GTF2A1L: variants seen among roughly 807,000 people sequenced by gnomAD.
The protein encoded by GTF2A1L is general transcription factor IIA subunit 1 like, also known as TFIIA-alpha and beta-like factor.
A neutral mutation model predicts 49.7 loss-of-function variants in GTF2A1L; 48 were observed. That is an observed-to-expected ratio of 0.97 (90% CI 0.77 to 1.23). GTF2A1L has a LOEUF of 1.23. Among genes scored for constraint, GTF2A1L ranks in the 50% most tolerant of loss-of-function variants. GTF2A1L has a pLI of 0.00. For missense variants in GTF2A1L, 736 were observed against 564.8 expected (o/e 1.30, Z -3.07); for synonymous variants, 246 against 193.5 (o/e 1.27, Z -2.25).
intron 3 of GTF2A1L, among the ~76,000 whole-genome samples, chr2:48,631,554 T>C (rs949738243): frequency 1.3e-5 from 2 of 152,198 alleles, no homozygotes; most frequent in African/African-American, 4.8e-5. Flanking sequence ...ATATTGTTTA[T>C]CCTTTCAGAG....
intron 3 of GTF2A1L, among the ~76,000 whole-genome samples, chr2:48,641,788 G>T (rs1221501663): frequency 6.6e-6 from 1 of 152,160 alleles, no homozygotes; most frequent in Non-Finnish European, 1.5e-5. Flanking sequence ...ATAAAGGAAA[G>T]ATATATGGGA....
At chr2:48,647,065 T>G in intron 6 of GTF2A1L, 23 bp downstream of exon 6, 2 of 1,551,466 alleles carry the variant, frequency 1.3e-6, no homozygotes, top group East Asian at 2.3e-5. Flanking sequence ...GTCCAACTTC[T>G]TGGTATCAGG....
intron 3 of GTF2A1L, among the ~76,000 whole-genome samples, chr2:48,635,326 C>T (rs1415772400): frequency 1.3e-5 from 2 of 152,136 alleles, no homozygotes; most frequent in Admixed American, 6.5e-5. Context: ...AGACATCTGC[C>T]TGGGCATGGA....
In GTF2A1L at chr2:48,624,205, G is replaced by T. The variant is rs557671643; in HGVS notation, c.247+2915G>T. On this transcript the variant is annotated intron_variant, in intron 3 of 8. Coordinates refer to ENST00000403751, the MANE Select transcript of GTF2A1L (RefSeq NM_006872.5). ...CCAAATAGCTTTTAAAATGTGGGTT[G>T]TAAGTATCTATTTACTATGTTGGAA... Among the ~76,000 whole-genome samples the T allele has an allele frequency of 3.3e-4, 48 of 143,826 alleles. 7 individuals are homozygous for T. The highest frequency in any genetic ancestry group is 9.4e-4 in the South Asian group (4 of 4,268). The allele number at this position is 143,826 out of a possible 152,430, so 94.4% of individuals were successfully genotyped here.
intron 3 of GTF2A1L, among the ~76,000 whole-genome samples, chr2:48,637,830 C>G (rs1315722826): frequency 2.0e-5 from 3 of 151,160 alleles, no homozygotes; most frequent in Non-Finnish European, 4.4e-5. Flanking sequence ...AACCATCAGT[C>G]TAGCTGCTGG....
intron 6 of GTF2A1L, among the ~76,000 whole-genome samples, chr2:48,667,791 C>A (rs1678933507): frequency 6.6e-6 from 1 of 151,938 alleles, no homozygotes; most frequent in South Asian, 2.1e-4. Context: ...GGTTTGAATC[C>A]TAGAAGGGCA....
chr2:48,659,934 T>C (rs570862529), intron 6 of GTF2A1L, among the ~76,000 whole-genome samples: 1 of 152,152 alleles, frequency 6.6e-6, no homozygotes, highest in Non-Finnish European at 1.5e-5. Context: ...TAAACAGAGA[T>C]AATTTTAGTT....
In GTF2A1L at chr2:48,620,851, C is replaced by G; in HGVS notation, c.22C>G (p.Pro8Ala). The change falls in exon 2 of 9, where the codon CCT becomes GCT. Residue 8 changes from proline to alanine, a missense_variant and splice_region_variant. Coordinates refer to ENST00000403751, the MANE Select transcript of GTF2A1L (RefSeq NM_006872.5). Reference sequence around the variant, plus strand: ...AACTTTAACAATTGCTTTTATGTAGCCTAAACTCTACAGATCTGTAATTGA... The same window carrying G: ...AACTTTAACAATTGCTTTTATGTAGGCTAAACTCTACAGATCTGTAATTGA... MACLNPV[P>A]KLYRSVIEDV... 1 of 1,473,110 alleles carries G rather than the reference C, an allele frequency of 6.8e-7. No individual in the cohort carries two copies. Among genetic ancestry groups the G allele is most frequent in the Non-Finnish European group, 9.0e-7 (1 of 1,111,048 alleles). The allele number at this position is 1,473,110 out of a possible 1,614,324, so 91.3% of individuals were successfully genotyped here.
intron 7 of GTF2A1L, among the ~76,000 whole-genome samples, 169 bp from the exon 8 acceptor site, chr2:48,671,422 T>A (rs982987251): frequency 6.6e-6 from 1 of 152,164 alleles, no homozygotes; most frequent in African/African-American, 2.4e-5. Context: ...CAAGTAAGTC[T>A]TGAACTCCTG....
intron 4 of GTF2A1L, among the ~76,000 whole-genome samples, chr2:48,643,971 T>G (rs1193870641): frequency 6.6e-6 from 1 of 152,084 alleles, no homozygotes; most frequent in Non-Finnish European, 1.5e-5. Flanking sequence ...AGTGCTGGGA[T>G]TACAGGCGTG....
chr2:48,637,957 T>C (rs1057218421), intron 3 of GTF2A1L, among the ~76,000 whole-genome samples: 1 of 152,128 alleles, frequency 6.6e-6, no homozygotes, highest in African/African-American at 2.4e-5. Flanking sequence ...AACACCTCTA[T>C]GCACACAAAC....
At chr2:48,631,540 A>G (rs373307824) in intron 3 of GTF2A1L, among the ~76,000 whole-genome samples, 29 of 151,780 alleles carry the variant, frequency 1.9e-4, no homozygotes, top group Admixed American at 5.3e-4. Context: ...TTAGTGTTCT[A>G]TCGATATTGT....
chr2:48,659,085 C>T (rs1678343463), intron 6 of GTF2A1L, among the ~76,000 whole-genome samples: 1 of 152,012 alleles, frequency 6.6e-6, no homozygotes, highest in South Asian at 2.1e-4. Flanking sequence ...TCCCTTTGTA[C>T]ATGACTTGAC....
chr2:48,621,267 A>C lies in GTF2A1L; in HGVS notation c.224A>C (p.His75Pro). Residue 75 changes from histidine to proline, a missense_variant, in exon 3 of 9, where the codon CAC becomes CCC. Physicochemically the swap from His to Pro is moderately conservative, Grantham distance 77. Coordinates refer to ENST00000403751, the MANE Select transcript of GTF2A1L (RefSeq NM_006872.5). Reference sequence around the variant, plus strand: ...ACTCTTCAGTTGCCGCACAGCTTGCACCAAACATTGCAATCGTCAACAGGT... The same window carrying C: ...ACTCTTCAGTTGCCGCACAGCTTGCCCCAAACATTGCAATCGTCAACAGGT... The part of the protein sequence containing the change: ...LFTLQLPHSL[H>P]QTLQSSTASL... 1 of 1,614,142 alleles carries C rather than the reference A, an allele frequency of 6.2e-7. No homozygotes were observed.
chr2:48,671,503 C>A (rs1679165118), intron 7 of GTF2A1L, 88 bp from the exon 8 acceptor site: 2 of 1,395,294 alleles, frequency 1.4e-6, no homozygotes, highest in Admixed American at 2.1e-5. Context: ...CACGCCGAGA[C>A]AAGTTCCTTT....
chr2:48,620,732 G>C (rs548062979), intron 1 of GTF2A1L, 119 bp from the exon 2 acceptor site: 22 of 542,082 alleles, frequency 4.1e-5, no homozygotes, highest in African/African-American at 1.0e-4. Context: ...AACTGAGTTC[G>C]TGCCACCGCA....
At chr2:48,670,396 T>A (rs1369646108) in intron 7 of GTF2A1L, among the ~76,000 whole-genome samples, 1 of 152,104 alleles carries the variant, frequency 6.6e-6, no homozygotes, top group Non-Finnish European at 1.5e-5. Flanking sequence ...AAAAAAGACT[T>A]ATTATATGCT....
intron 6 of GTF2A1L, among the ~76,000 whole-genome samples, chr2:48,650,446 A>G (rs1265071920): frequency 6.6e-6 from 1 of 152,182 alleles, no homozygotes; most frequent in East Asian, 1.9e-4. Flanking sequence ...CTCAAAATCA[A>G]TGTATGAGTG....
At chr2:48,646,379 T>TC in intron 5 of GTF2A1L, 74 bp from the exon 6 acceptor site, 1 of 1,311,874 alleles carries the variant, frequency 7.6e-7, no homozygotes, top group Non-Finnish European at 1.0e-6. Flanking sequence ...TGAGATTTTT[T>TC]TTTTTTTTTG....
Sources: gnomAD v4.1 joint callset for allele counts (sites outside exome capture counted in the v4.1 genomes callset) on GRCh38, gnomAD v4.1.1 for gene constraint, MANE v1.5 for transcripts, NCBI Gene and HGNC (gene_info 2026-07-23, HGNC 2026-07-21) for gene names.